The following PLA2G6 variants were observed in gnomAD, a reference collection of about 807,000 sequenced individuals.
PLA2G6 encodes the protein phospholipase A2 group VI.
In PLA2G6, 62 loss-of-function variants were observed where a neutral mutation model predicts 83.8. That is an observed-to-expected ratio of 0.74 (90% CI 0.60 to 0.91). The LOEUF (loss-of-function observed/expected upper bound fraction) is 0.91, where lower values mean the gene tolerates loss of function less well. Ranked by LOEUF, PLA2G6 falls within the 40% of genes least tolerant of loss-of-function variation. The probability of loss-of-function intolerance (pLI) is 0.00; values close to 1 mark genes in which losing one functional copy is unlikely to be tolerated. For missense variants in PLA2G6, 944 were observed against 1,102.0 expected, an observed-to-expected ratio of 0.86 and a Z score of 2.03; for synonymous variants, 417 against 449.8, an observed-to-expected ratio of 0.93 and a Z score of 0.92.
At chr22:38,162,871 G>T (rs966312100) in intron 2 of PLA2G6, among the ~76,000 whole-genome samples, 1 of 152,148 alleles carries the variant, frequency 6.6e-6, no homozygotes, top group Admixed American at 6.5e-5. Flanking sequence ...GCCAGGTGTG[G>T]GTTACAGTGA....
intron 6 of PLA2G6, chr22:38,134,695 C>T: frequency 6.7e-6 from 3 of 446,862 alleles, no homozygotes; most frequent in Non-Finnish European, 8.2e-6. Context: ...AAGCACTTTA[C>T]AATTTGTGCC....
At position 38,126,454 on chromosome 22, in the gene PLA2G6, G is replaced by A; in HGVS notation, c.1349-5C>T. 6.2e-7 allele frequency: 1 copy of A among 1,611,706 alleles called. No homozygotes were observed. The highest frequency in any genetic ancestry group is 8.5e-7 in the Non-Finnish European group (1 of 1,178,902). ...TGTGCATGAGATCCTGTAGTTCTGT[G>A]AGGCACAGAGCAGGGCATGCTGTGG... On this transcript the variant is annotated splice_region_variant and splice_polypyrimidine_tract_variant and intron_variant, in intron 9 of 16. Coordinates refer to ENST00000332509, the MANE Select transcript of PLA2G6 (RefSeq NM_003560.4).
chr22:38,134,600 C>G (rs6001015), intron 6 of PLA2G6: 173 of 195,634 alleles, frequency 8.8e-4, no homozygotes, highest in African/African-American at 3.8e-3. Context: ...CCCTCTCTCT[C>G]TATATATATA....
intron 7 of PLA2G6, 38 bp from the exon 8 acceptor site, chr22:38,129,600 C>A: frequency 2.6e-6 from 4 of 1,523,476 alleles, no homozygotes; most frequent in Non-Finnish European, 3.6e-6. Context: ...GTGCAACTGC[C>A]GGGGAAGTGA....
intron 9 of PLA2G6, 189 bp from the exon 10 acceptor site, chr22:38,126,638 C>T: frequency 1.6e-6 from 1 of 627,416 alleles, no homozygotes; most frequent in Non-Finnish European, 2.9e-6. Flanking sequence ...CCACAGGCCA[C>T]AGGAGAGAAA....
At chr22:38,129,648 C>T (rs1395435888) in intron 7 of PLA2G6, 86 bp from the exon 8 acceptor site, 1 of 958,606 alleles carries the variant, frequency 1.0e-6, no homozygotes, top group Admixed American at 1.8e-5. Context: ...CCCAACCTGT[C>T]AACTCACCCA....
chr22:38,167,722 A>G (rs993032248), intron 2 of PLA2G6, among the ~76,000 whole-genome samples: 2 of 152,220 alleles, frequency 1.3e-5, no homozygotes, highest in African/African-American at 4.8e-5. Context: ...CCTCTGCCTC[A>G]GGTTCCTTGT....
chr22:38,127,643 T>C (rs1052837028), intron 9 of PLA2G6, among the ~76,000 whole-genome samples: 2 of 152,174 alleles, frequency 1.3e-5, no homozygotes, highest in South Asian at 4.1e-4. Context: ...GACTGGCTCC[T>C]GGCTGCCCTC....
chr22:38,154,001 C>T (rs932206100), intron 2 of PLA2G6, among the ~76,000 whole-genome samples: 4 of 152,206 alleles, frequency 2.6e-5, no homozygotes, highest in Non-Finnish European at 5.9e-5. Context: ...TGGAGAGAGA[C>T]TTCTCTGCTT....
chr22:38,115,182 G>A (rs1396845713), intron 14 of PLA2G6, among the ~76,000 whole-genome samples: 1 of 152,230 alleles, frequency 6.6e-6, no homozygotes, highest in Non-Finnish European at 1.5e-5. Flanking sequence ...CGTGGGGACA[G>A]GCATTCCTGT....
At chr22:38,148,859 CTTTTTTTT>C (rs200966258) in intron 2 of PLA2G6, 99 of 152,542 alleles carry the variant, frequency 6.5e-4, no homozygotes, top group African/African-American at 3.1e-3. Context: ...TAGATTATTT[CTTTTTTTT>C]TTTTTTTTTT....
chr22:38,119,426 T>C (rs1157922248), intron 12 of PLA2G6, among the ~76,000 whole-genome samples: 2 of 152,152 alleles, frequency 1.3e-5, no homozygotes, highest in Non-Finnish European at 2.9e-5. Context: ...CAAAAATCAA[T>C]TCCAGGTTGA....
chr22:38,128,563 A>T lies in PLA2G6; in HGVS notation c.1187-133T>A. 1 of 931,224 alleles carries T rather than the reference A, an allele frequency of 1.1e-6. No individual in the cohort carries two copies. The highest frequency in any genetic ancestry group is 1.5e-5 in the South Asian group (1 of 65,726). 57.7% of individuals were successfully genotyped at this position (931,224 alleles called of 1,614,324 possible). A position where few individuals can be genotyped will look rare whatever the true frequency, so the allele number is the denominator to read the frequency against. On this transcript the variant is annotated intron_variant, in intron 8 of 16. Transcript: ENST00000332509. This position sits in a 1 kb window ranked among gnomAD's most constrained non-coding sequence, Gnocchi z 4.4. ...GCCCTGGGCACGTGGGCTGCTCCAG[A>T]GGCCTCAGCCCACCCTGACAGGGAG...
intron 15 of PLA2G6, 45 bp downstream of exon 15, chr22:38,113,442 T>C (rs754620430): frequency 1.4e-5 from 23 of 1,596,330 alleles, no homozygotes; most frequent in Non-Finnish European, 2.0e-5. Context: ...CGACCTGGGC[T>C]ACAGACCCTG....
intron 6 of PLA2G6, 63 bp downstream of exon 6, chr22:38,134,925 G>T: frequency 8.2e-7 from 1 of 1,215,454 alleles, no homozygotes; most frequent in South Asian, 1.2e-5. Flanking sequence ...TGCTTCCTGA[G>T]GGCCCTGAGG....
intron 2 of PLA2G6, among the ~76,000 whole-genome samples, chr22:38,162,594 T>C (rs1602245255): frequency 1.3e-5 from 2 of 152,076 alleles, no homozygotes; most frequent in African/African-American, 2.4e-5. Flanking sequence ...CTGGCGATGA[T>C]AAAGGCCAGC....
At chr22:38,159,539 G>A (rs1156710915) in intron 2 of PLA2G6, among the ~76,000 whole-genome samples, 2 of 152,014 alleles carry the variant, frequency 1.3e-5, no homozygotes, top group African/African-American at 4.8e-5. Flanking sequence ...GACCAGCCTG[G>A]GTAACTTGAT....
At position 38,126,455 on chromosome 22, in the gene PLA2G6, AG is replaced by A. The variant is rs1294977149; in HGVS notation, c.1349-7del. ...GTGCATGAGATCCTGTAGTTCTGTG[AG>A]GCACAGAGCAGGGCATGCTGTGGTC... On this transcript the variant is annotated splice_polypyrimidine_tract_variant and splice_region_variant and intron_variant, in intron 9 of 16. Coordinates refer to ENST00000332509, the MANE Select transcript of PLA2G6 (RefSeq NM_003560.4). 6.2e-7 allele frequency: 1 copy of A among 1,610,062 alleles called. No homozygotes were observed. Among genetic ancestry groups the A allele is most frequent in the Non-Finnish European group, 8.5e-7 (1 of 1,177,408 alleles).
chr22:38,175,505 C>T (rs543993916), intron 1 of PLA2G6, among the ~76,000 whole-genome samples: 4 of 152,202 alleles, frequency 2.6e-5, no homozygotes, highest in African/African-American at 9.6e-5. Flanking sequence ...TCCCAGAACA[C>T]GTCAAACTCG....
Sources: allele counts gnomAD v4.1 joint callset (sites outside exome capture counted in the v4.1 genomes callset), GRCh38; gene constraint gnomAD v4.1.1; non-coding constraint Gnocchi (gnomAD v3.1); transcripts MANE v1.5; gene names NCBI Gene and HGNC (gene_info 2026-07-23, HGNC 2026-07-21).